CGAS: variants seen among roughly 807,000 people sequenced by gnomAD.
CGAS encodes the protein cyclic GMP-AMP synthase, also known as 2'3'-cGAMP synthase.
A neutral mutation model predicts 34.0 loss-of-function variants in CGAS; 31 were observed. The ratio of observed to expected loss-of-function variants is 0.91; its 90% CI spans 0.69 to 1.23. The LOEUF (loss-of-function observed/expected upper bound fraction) is 1.23. Ranked by LOEUF, CGAS falls within the 50% of genes most tolerant of loss-of-function variation. CGAS has a pLI of 0.00. For missense variants in CGAS, 597 were observed against 657.6 expected (o/e 0.91, Z 1.01); for synonymous variants, 266 against 260.0 (o/e 1.02, Z -0.22).
chr6:73,432,036 C>T (rs1770203050), intron 3 of CGAS, among the ~76,000 whole-genome samples: 1 of 152,108 alleles, frequency 6.6e-6, no homozygotes, highest in Non-Finnish European at 1.5e-5. Flanking sequence ...CTCCACCTTG[C>T]CCAGGCTGAT....
intron 3 of CGAS, among the ~76,000 whole-genome samples, chr6:73,431,958 T>C (rs1354615047): frequency 1.3e-5 from 2 of 151,550 alleles, no homozygotes; most frequent in Admixed American, 6.6e-5. Flanking sequence ...GCCGTTCCAA[T>C]AGCGGGACCA....
chr6:73,445,815 T>C, intron 1 of CGAS, 68 bp from the exon 2 acceptor site: 1 of 1,234,334 alleles, frequency 8.1e-7, no homozygotes, highest in Non-Finnish European at 1.1e-6. Flanking sequence ...TGGAACTTTT[T>C]AAAAAATTTC....
intron 3 of CGAS, among the ~76,000 whole-genome samples, chr6:73,433,258 C>T (rs1256757032): frequency 6.6e-6 from 1 of 151,252 alleles, no homozygotes; most frequent in Non-Finnish European, 1.5e-5. Context: ...TCAACTCTCT[C>T]CCATGTTTTT....
Position 73,451,672 on chromosome 6 carries a change from C to T in CGAS, c.510G>A (p.Glu170=). 1.2e-6 allele frequency: 2 copies of T among 1,614,084 alleles called. No homozygotes were observed. The highest frequency in any genetic ancestry group is 1.7e-6 in the Non-Finnish European group (2 of 1,180,024). ...TATCATCGCGGCTGAGCTTCAACTTCTCCAAAACCGCCCGGAGCTTCGAGG... is the reference window on the plus strand; with the variant it reads ...TATCATCGCGGCTGAGCTTCAACTTTTCCAAAACCGCCCGGAGCTTCGAGG... The part of the protein sequence containing the change: ...PGASKLRAVL[E]KLKLSRDDIS... The change falls in exon 1 of 5, where the codon GAG becomes GAA. Residue 170 remains glutamate (E), a synonymous_variant. Transcript: ENST00000370315.
chr6:73,435,549 G>A (rs557209483), intron 3 of CGAS, among the ~76,000 whole-genome samples: 3 of 152,144 alleles, frequency 2.0e-5, no homozygotes, highest in East Asian at 1.9e-4. Context: ...GAGTGAGATC[G>A]AAAATATCTT....
intron 1 of CGAS, among the ~76,000 whole-genome samples, chr6:73,450,706 C>A (rs1770550009): frequency 6.6e-6 from 1 of 151,610 alleles, no homozygotes; most frequent in Non-Finnish European, 1.5e-5. Context: ...TGGGGACAGA[C>A]GGCCGGGCGC....
At position 73,425,284 on chromosome 6, in the gene CGAS, C is replaced by T; in HGVS notation, c.1512G>A (p.Leu504=). The T allele has an allele frequency of 6.3e-7, 1 of 1,597,748 alleles. No homozygotes were observed. Among genetic ancestry groups the T allele is most frequent in the African/African-American group, 1.4e-5 (1 of 73,810 alleles). Residue 504 remains leucine (L), a synonymous_variant, in exon 5 of 5, where the codon CTG becomes CTA. Transcript: ENST00000370315. ...TTCTTTCATATTCAATTTGCTTTGT[C>T]AGAAATTCCTTACTTCTTTTGTCAA... The part of the protein sequence containing the change: ...NLIDKRSKEF[L]TKQIEYERNN...
intron 4 of CGAS, 32 bp downstream of exon 4, chr6:73,428,677 T>C (rs757537950): frequency 4.4e-6 from 7 of 1,584,202 alleles, no homozygotes; most frequent in Non-Finnish European, 6.0e-6. Flanking sequence ...ATACCATAGA[T>C]AATCTGTCAT....
chr6:73,448,100 T>C (rs138542498), intron 1 of CGAS, among the ~76,000 whole-genome samples: 79 of 152,274 alleles, frequency 5.2e-4, no homozygotes, highest in African/African-American at 1.8e-3. Flanking sequence ...TACCATTACT[T>C]AAAACCACTG....
chr6:73,434,986 T>C (rs1398351509), intron 3 of CGAS, among the ~76,000 whole-genome samples: 6 of 152,086 alleles, frequency 3.9e-5, no homozygotes, highest in Admixed American at 3.9e-4. Flanking sequence ...TCAATATTGG[T>C]TTATTAATTA....
Position 73,425,280 on chromosome 6 carries a change from T to G in CGAS, c.1516A>C (p.Lys506Gln). The change falls in exon 5 of 5, where the codon AAG (lysine) becomes CAG (glutamine). Residue 506 changes from lysine to glutamine, a missense_variant. This residue lies in a region of CGAS where 271 missense variants were observed against 324.1 expected (regional missense o/e 0.84). Transcript: ENST00000370315. Reference sequence around the variant, plus strand: ...TTGTTTCTTTCATATTCAATTTGCTTTGTCAGAAATTCCTTACTTCTTTTG... The same window carrying G: ...TTGTTTCTTTCATATTCAATTTGCTGTGTCAGAAATTCCTTACTTCTTTTG... The part of the protein sequence containing the change: ...IDKRSKEFLT[K>Q]QIEYERNNEF... The G allele has an allele frequency of 2.5e-6, 4 of 1,596,254 alleles. No individual in the cohort carries two copies. The highest frequency in any genetic ancestry group is 3.4e-6 in the Non-Finnish European group (4 of 1,174,642).
At chr6:73,428,094 T>G (rs1770119144) in intron 4 of CGAS, among the ~76,000 whole-genome samples, 1 of 151,884 alleles carries the variant, frequency 6.6e-6, no homozygotes. Flanking sequence ...CATGGTGGCA[T>G]GCACCTGTAA....
intron 1 of CGAS, among the ~76,000 whole-genome samples, chr6:73,447,178 A>G (rs1287852729): frequency 6.6e-6 from 1 of 152,242 alleles, no homozygotes; most frequent in African/African-American, 2.4e-5. Context: ...TATAGTTGTC[A>G]ATTACTTCCT....
chr6:73,447,659 T>G (rs1582657960), intron 1 of CGAS, among the ~76,000 whole-genome samples: 3 of 152,174 alleles, frequency 2.0e-5, no homozygotes, highest in Admixed American at 2.0e-4. Flanking sequence ...TAGATCATAG[T>G]GTACTGCAGC....
chr6:73,431,986 G>A (rs1770201993), intron 3 of CGAS, among the ~76,000 whole-genome samples: 1 of 151,802 alleles, frequency 6.6e-6, no homozygotes, highest in Non-Finnish European at 1.5e-5. Flanking sequence ...ACATCACCAT[G>A]GCTGGCTAAT....
intron 3 of CGAS, among the ~76,000 whole-genome samples, chr6:73,430,974 C>G (rs1043709148): frequency 4.6e-5 from 7 of 151,798 alleles, no homozygotes; most frequent in African/African-American, 1.7e-4. Flanking sequence ...TTGTGGCACA[C>G]AGTTGTAATC....
intron 2 of CGAS, among the ~76,000 whole-genome samples, chr6:73,442,847 T>G (rs1234676216): frequency 6.6e-6 from 1 of 152,072 alleles, no homozygotes; most frequent in Non-Finnish European, 1.5e-5. Flanking sequence ...TCCGCCCACC[T>G]TGGCCTCCCA....
Position 73,452,150 on chromosome 6 carries a change from C to G in CGAS, c.32G>C (p.Arg11Thr). MQPWHGKAMQ[R>T]ASEAGATAPK... Reference sequence around the variant, plus strand: ...GGCAGTGGCTCCGGCCTCGGAAGCTCTCTGCATGGCCTTTCCGTGCCAAGG... The same window carrying G: ...GGCAGTGGCTCCGGCCTCGGAAGCTGTCTGCATGGCCTTTCCGTGCCAAGG... Residue 11 changes from arginine to threonine, a missense_variant, in exon 1 of 5, where the codon AGA (arginine) becomes ACA (threonine). Physicochemically the swap from Arg to Thr is moderately conservative, Grantham distance 71 (BLOSUM62 -1). This residue lies in a region of CGAS where 321 missense variants were observed against 314.3 expected (regional missense o/e 1.02). Transcript: ENST00000370315. The G allele has an allele frequency of 1.2e-6, 2 of 1,608,710 alleles. No individual in the cohort carries two copies. Among genetic ancestry groups the G allele is most frequent in the South Asian group, 2.2e-5 (2 of 90,440 alleles).
chr6:73,443,591 T>A (rs73450653), intron 2 of CGAS, among the ~76,000 whole-genome samples: 5,649 of 152,116 alleles, frequency 0.037, 344 homozygotes, highest in African/African-American at 0.13. Flanking sequence ...ACATTGCAAC[T>A]TCCCCCCCAC....
Sources: allele counts gnomAD v4.1 joint callset (sites outside exome capture counted in the v4.1 genomes callset), GRCh38; gene constraint gnomAD v4.1.1; regional missense constraint gnomAD v4.1.1; transcripts MANE v1.5; gene names NCBI Gene and HGNC (gene_info 2026-07-23, HGNC 2026-07-21).